The following SGCD variants were observed in gnomAD, a reference collection of about 807,000 sequenced individuals.
SGCD encodes delta-sarcoglycan.
SGCD carries 18 observed loss-of-function variants against 36.6 expected under a neutral mutation model. The observed-to-expected ratio is 0.49, with a 90% CI of 0.34 to 0.73. The LOEUF is 0.73. Ranked by LOEUF, SGCD falls within the 30% of genes least tolerant of loss-of-function variation. The pLI is 0.01. For missense variants in SGCD, 387 were observed against 346.7 expected (o/e 1.12, Z -0.92); for synonymous variants, 133 against 130.6 (o/e 1.02, Z -0.12).
At chr5:156,226,367 A>G (rs1376099940) in intron 3 of SGCD, among the ~76,000 whole-genome samples, 1 of 152,090 alleles carries the variant, frequency 6.6e-6, no homozygotes, top group Non-Finnish European at 1.5e-5. Context: ...AGAGTCTCCA[A>G]TCTCATCCAG....
chr5:155,756,948 C>T, the SGCD span, among the ~76,000 whole-genome samples: 1 of 152,148 alleles, frequency 6.6e-6, no homozygotes, highest in African/African-American at 2.4e-5. Flanking sequence ...GTCTCAGGCT[C>T]CTGGGATAAA....
chr5:155,996,951 A>G (rs907711991), intron 1 of SGCD, among the ~76,000 whole-genome samples: 4 of 152,170 alleles, frequency 2.6e-5, no homozygotes, highest in African/African-American at 7.2e-5. Flanking sequence ...ACAGATAGAT[A>G]GATACCTATG....
intron 3 of SGCD, among the ~76,000 whole-genome samples, chr5:156,284,767 C>G (rs2127674706): frequency 6.6e-6 from 1 of 152,242 alleles, no homozygotes; most frequent in East Asian, 1.9e-4. Flanking sequence ...TGGCACAAGA[C>G]AGGGATGCCC....
intron 7 of SGCD, among the ~76,000 whole-genome samples, chr5:156,730,172 T>C (rs1238750142): frequency 1.3e-5 from 2 of 152,180 alleles, no homozygotes; most frequent in African/African-American, 4.8e-5. Context: ...TGAACACTTA[T>C]CCAAAATCAC....
intron 1 of SGCD, among the ~76,000 whole-genome samples, chr5:156,072,477 G>A (rs1357611000): frequency 1.3e-4 from 19 of 151,946 alleles, no homozygotes; most frequent in African/African-American, 4.4e-4. Flanking sequence ...CTTCTGGCTT[G>A]TAGAGTTTCT....
At chr5:155,898,635 T>A (rs1431785519) in intron 1 of SGCD, among the ~76,000 whole-genome samples, 1 of 152,086 alleles carries the variant, frequency 6.6e-6, no homozygotes, top group Non-Finnish European at 1.5e-5. Context: ...AGTCCCAGGG[T>A]TGGTGTAGTA....
chr5:155,964,652 G>A (rs1757867891), intron 1 of SGCD, among the ~76,000 whole-genome samples: 1 of 152,026 alleles, frequency 6.6e-6, no homozygotes, highest in Admixed American at 6.6e-5. Context: ...AGATAGAAAT[G>A]CTACTAAGAT....
At chr5:156,524,094 C>A (rs1286287374) in intron 4 of SGCD, among the ~76,000 whole-genome samples, 12 of 40,562 alleles carry the variant, frequency 3.0e-4, no homozygotes, top group African/African-American at 1.1e-3. Context: ...TGAGGTCTTA[C>A]TATATATATA....
intron 7 of SGCD, among the ~76,000 whole-genome samples, chr5:156,732,355 A>G (rs1041966401): frequency 1.3e-5 from 2 of 152,172 alleles, no homozygotes; most frequent in African/African-American, 4.8e-5. Flanking sequence ...ATCTATTGAG[A>G]TAATCATGTT....
chr5:156,409,063 T>C (rs1483929663), intron 3 of SGCD, among the ~76,000 whole-genome samples: 3 of 152,204 alleles, frequency 2.0e-5, no homozygotes, highest in Non-Finnish European at 4.4e-5. Flanking sequence ...TACTTAACGC[T>C]TCTTCATTCT....
In SGCD at chr5:156,236,772, T is replaced by C. The variant is rs139026975; in HGVS notation, c.-43-92762T>C. On this transcript the variant is annotated intron_variant, in intron 3 of 9. Coordinates refer to the SGCD transcript ENST00000517913. ...CTAATTTGTATACATTTGTTCTTAATGCTCCTGCTCCCAACACCAAAGGAA... is the reference window on the plus strand; with the variant it reads ...CTAATTTGTATACATTTGTTCTTAACGCTCCTGCTCCCAACACCAAAGGAA... Among the ~76,000 whole-genome samples the C allele has an allele frequency of 6.4e-4, 97 of 150,914 alleles. No homozygotes were observed. The Middle Eastern group carries it at 0.018, about 28-fold the overall frequency.
chr5:156,073,031 T>C (rs1287782660), intron 1 of SGCD, among the ~76,000 whole-genome samples: 1 of 152,170 alleles, frequency 6.6e-6, no homozygotes, highest in Non-Finnish European at 1.5e-5. Context: ...TATACATTCA[T>C]CTAAATTTTT....
chr5:156,089,177 CA>C (rs1761175683), intron 1 of SGCD, among the ~76,000 whole-genome samples: 1 of 152,156 alleles, frequency 6.6e-6, no homozygotes, highest in African/African-American at 2.4e-5. Context: ...GGATCCCTGG[CA>C]AAGGGGTCTG....
intron 3 of SGCD, among the ~76,000 whole-genome samples, chr5:156,168,214 G>A (rs1005258182): frequency 6.6e-5 from 10 of 152,110 alleles, no homozygotes; most frequent in African/African-American, 2.2e-4. Flanking sequence ...TACTACTATA[G>A]TGCAATATTA....
chr5:156,052,502 C>T (rs2127581526), intron 1 of SGCD, among the ~76,000 whole-genome samples: 1 of 146,326 alleles, frequency 6.8e-6, no homozygotes, highest in Non-Finnish European at 1.5e-5. Context: ...GCAGAATAAA[C>T]TGTTGGGCCA....
chr5:155,907,614 A>G (rs751255498), intron 1 of SGCD, among the ~76,000 whole-genome samples: 15 of 152,112 alleles, frequency 9.9e-5, no homozygotes, highest in Non-Finnish European at 2.1e-4. Context: ...TAAAAATAGT[A>G]AGAGAACTAG....
At chr5:156,213,421 A>T (rs1223122555) in intron 3 of SGCD, among the ~76,000 whole-genome samples, 2 of 152,086 alleles carry the variant, frequency 1.3e-5, no homozygotes, top group Non-Finnish European at 2.9e-5. Flanking sequence ...AATCATGAAT[A>T]CACAGAAAAT....
intron 3 of SGCD, among the ~76,000 whole-genome samples, chr5:156,145,486 G>C (rs1319625923): frequency 6.6e-6 from 1 of 151,930 alleles, no homozygotes; most frequent in Non-Finnish European, 1.5e-5. Flanking sequence ...TCATAATAAG[G>C]GCATTTTAAA....
chr5:156,464,773 T>A (rs1186225495), intron 3 of SGCD, among the ~76,000 whole-genome samples: 1 of 152,188 alleles, frequency 6.6e-6, no homozygotes, highest in Non-Finnish European at 1.5e-5. Context: ...AGTTCATGAA[T>A]GTTCCGTGTT....
Sources: allele counts gnomAD v4.1 joint callset (sites outside exome capture counted in the v4.1 genomes callset), GRCh38; gene constraint gnomAD v4.1.1; transcripts MANE v1.5; gene names NCBI Gene and HGNC (gene_info 2026-07-23, HGNC 2026-07-21).